The following FMO4 variants were observed in gnomAD, a reference collection of about 807,000 sequenced individuals.
FMO4 encodes the protein flavin containing dimethylaniline monoxygenase 4.
FMO4 carries 38 observed loss-of-function variants against 43.3 expected under a neutral mutation model. The observed-to-expected ratio is 0.88, with a 90% CI of 0.68 to 1.15. The LOEUF (loss-of-function observed/expected upper bound fraction) is 1.15, where lower values mean the gene tolerates loss of function less well. FMO4 is among the 50% of genes most tolerant of loss of function. FMO4 has a pLI of 0.00. For missense variants in FMO4, 631 were observed against 663.3 expected (o/e 0.95, Z 0.54); for synonymous variants, 224 against 232.2 (o/e 0.96, Z 0.32).
chr1:171,340,659 T>C (rs1244356865), intron 9 of FMO4, among the ~76,000 whole-genome samples: 1 of 152,134 alleles, frequency 6.6e-6, no homozygotes, highest in Admixed American at 6.5e-5. Context: ...TTCTTGATCT[T>C]AAAGATCATG....
rs777699522 is a variant in FMO4, at chr1:171,334,767, C to T, written c.1180+4C>T. The T allele has an allele frequency of 6.7e-7, 1 of 1,496,712 alleles. No individual in the cohort carries two copies. 92.7% of individuals were successfully genotyped at this position (1,496,712 alleles called of 1,614,324 possible). A position where few individuals can be genotyped will look rare whatever the true frequency, so the allele number is the denominator to read the frequency against. ...TGGGTCACAAGAGTATTCAAAGGTA[C>T]CATGACTCTACTGAAAGTCCTCTCT... is the stretch of plus-strand genomic sequence containing the variant. On this transcript the variant is annotated splice_donor_region_variant and intron_variant, in intron 8 of 9. Transcript: ENST00000367749.
At chr1:171,325,426 A>T (rs1031665963) in intron 5 of FMO4, among the ~76,000 whole-genome samples, 2 of 152,250 alleles carry the variant, frequency 1.3e-5, no homozygotes, top group Admixed American at 6.5e-5. Context: ...AGTATCTTCA[A>T]GGAATTAAAA....
At chr1:171,317,809 G>A (rs1263127343) in intron 2 of FMO4, among the ~76,000 whole-genome samples, 1 of 152,056 alleles carries the variant, frequency 6.6e-6, no homozygotes. Flanking sequence ...CTTGTTTTAT[G>A]GCAAGGCATG....
chr1:171,329,796 A>T (rs191424448), intron 5 of FMO4, among the ~76,000 whole-genome samples: 73 of 152,264 alleles, frequency 4.8e-4, no homozygotes, highest in African/African-American at 1.8e-3. Context: ...GAATCACAAA[A>T]CTGGCCTCAC....
In FMO4 at chr1:171,324,794, A is replaced by G. The variant is rs529512886; in HGVS notation, c.484+494A>G. On this transcript the variant is annotated intron_variant, in intron 5 of 9. Coordinates refer to ENST00000367749, the MANE Select transcript of FMO4 (RefSeq NM_002022.3). ...ACTTTAAAAGGGAAAAAAAAGCAATATAGTCACCCTTCAAAACAGTCAACA... is the reference window on the plus strand; with the variant it reads ...ACTTTAAAAGGGAAAAAAAAGCAATGTAGTCACCCTTCAAAACAGTCAACA... 2.0e-5 allele frequency among the ~76,000 whole-genome samples: 3 copies of G among 152,306 alleles called. 1 individual carries two copies. Among genetic ancestry groups the G allele is most frequent in the African/African-American group, 7.2e-5 (3 of 41,570 alleles).
Position 171,341,859 on chromosome 1 carries a change from T to A in FMO4, c.*20T>A, listed in dbSNP as rs763152141. On this transcript the variant is annotated 3_prime_UTR_variant, in exon 10 of 10. Transcript: ENST00000367749. Reference sequence around the variant, plus strand: ...GGATGAACCTGATTGTTACAAGGGTTACACAAAGTCATGCTAATTCTATCT... The same window carrying A: ...GGATGAACCTGATTGTTACAAGGGTAACACAAAGTCATGCTAATTCTATCT... The A allele has an allele frequency of 1.3e-6, 2 of 1,583,810 alleles. No individual in the cohort carries two copies. Among genetic ancestry groups the A allele is most frequent in the South Asian group, 2.3e-5 (2 of 88,008 alleles).
chr1:171,332,943 A>G, intron 7 of FMO4, 35 bp downstream of exon 7: 1 of 934,902 alleles, frequency 1.1e-6, no homozygotes, highest in Non-Finnish European at 1.7e-6. Context: ...AAAAAATATT[A>G]AATCAATATT....
chr1:171,339,318 A>G (rs988805894), intron 9 of FMO4, among the ~76,000 whole-genome samples: 1 of 152,196 alleles, frequency 6.6e-6, no homozygotes, highest in Non-Finnish European at 1.5e-5. Context: ...TTAAGAACCT[A>G]CAACTATTTA....
chr1:171,316,595 G>C (rs1210127896), intron 2 of FMO4, among the ~76,000 whole-genome samples: 2 of 152,130 alleles, frequency 1.3e-5, no homozygotes, highest in African/African-American at 4.8e-5. Flanking sequence ...ATGGCTAGTT[G>C]GTAGCAGAGA....
At chr1:171,331,242 T>A (rs1662888758) in intron 5 of FMO4, among the ~76,000 whole-genome samples, 1 of 152,198 alleles carries the variant, frequency 6.6e-6, no homozygotes, top group South Asian at 2.1e-4. Context: ...TAGATACAAG[T>A]GTAATGGTCC....
At chr1:171,337,296 G>C (rs1663160491) in intron 8 of FMO4, 60 bp from the exon 9 acceptor site, 3 of 1,135,470 alleles carry the variant, frequency 2.6e-6, no homozygotes, top group Non-Finnish European at 4.0e-6. Flanking sequence ...AGTGGGTGGA[G>C]AATTTAAATA....
chr1:171,330,101 G>A (rs1323996286), intron 5 of FMO4, among the ~76,000 whole-genome samples: 1 of 152,210 alleles, frequency 6.6e-6, no homozygotes, highest in East Asian at 1.9e-4. Flanking sequence ...ATGTTACCAA[G>A]TGAATGAATG....
chr1:171,336,555 CAT>C (rs781345666), intron 8 of FMO4, among the ~76,000 whole-genome samples: 1 of 152,136 alleles, frequency 6.6e-6, no homozygotes, highest in African/African-American at 2.4e-5. Flanking sequence ...CCCTTCCACA[CAT>C]GAGGCTCCTT....
rs1397913954 is a variant in FMO4, at chr1:171,341,723, C to T, written c.1561C>T (p.Pro521Ser). 2 of 1,613,828 alleles carry T rather than the reference C, an allele frequency of 1.2e-6. No individual in the cohort carries two copies. Among genetic ancestry groups the T allele is most frequent in the Non-Finnish European group, 1.7e-6 (2 of 1,179,906 alleles). Reference sequence around the variant, plus strand: ...ACATTATTTAAAAGCCTGGGGGGCACCTGTCCTACTTGCCTCTCTTCTACT... The same window carrying T: ...ACATTATTTAAAAGCCTGGGGGGCATCTGTCCTACTTGCCTCTCTTCTACT... The part of the protein sequence containing the change: ...MSHYLKAWGA[P>S]VLLASLLLIC... Residue 521 changes from proline (P) to serine (S), a missense_variant, in exon 10 of 10, where the codon CCT (proline) becomes TCT (serine). Physicochemically the swap from Pro to Ser is moderately conservative, Grantham distance 74 (BLOSUM62 -1). Transcript: ENST00000367749.
At chr1:171,315,639 A>T (rs975464078) in intron 1 of FMO4, among the ~76,000 whole-genome samples, 7 of 152,126 alleles carry the variant, frequency 4.6e-5, no homozygotes, top group African/African-American at 1.7e-4. Flanking sequence ...TTTCCAGTTC[A>T]CTCACTACCT....
chr1:171,339,717 A>G (rs1386343304), intron 9 of FMO4, among the ~76,000 whole-genome samples: 1 of 152,200 alleles, frequency 6.6e-6, no homozygotes, highest in African/African-American at 2.4e-5. Context: ...AGAAGGTAGT[A>G]GAGTCAAAGA....
rs770882505 is a variant in FMO4, at chr1:171,332,709, G to T, written c.628G>T (p.Val210Leu). Residue 210 changes from valine (V) to leucine (L), a missense_variant and splice_region_variant, in exon 7 of 10, where the codon GTA becomes TTA. Physicochemically the swap from Val to Leu is conservative, Grantham distance 32. Coordinates refer to ENST00000367749, the MANE Select transcript of FMO4 (RefSeq NM_002022.3). ...AVELSRTAAQ[V>L]LLSTRTGTWV... ...CTTCTTGCCTTACTTTACTTTTTAG[G>T]TACTTCTCAGTACTAGAACTGGTAC... The T allele has an allele frequency of 5.7e-5, 92 of 1,604,750 alleles. No homozygotes were observed. The highest frequency in any genetic ancestry group is 7.4e-5 in the Non-Finnish European group (87 of 1,173,492).
chr1:171,326,184 G>A (rs981072799), intron 5 of FMO4, among the ~76,000 whole-genome samples: 3 of 151,736 alleles, frequency 2.0e-5, no homozygotes, highest in South Asian at 2.1e-4. Flanking sequence ...TATCTTTCAC[G>A]AATAGCTGTA....
At chr1:171,315,442 T>C (rs562846512) in intron 1 of FMO4, among the ~76,000 whole-genome samples, 43 of 152,266 alleles carry the variant, frequency 2.8e-4, no homozygotes, top group African/African-American at 9.4e-4. Flanking sequence ...CTTTTTTTTT[T>C]TGTGCACCAA....
Sources: gnomAD v4.1 joint callset for allele counts (sites outside exome capture counted in the v4.1 genomes callset) on GRCh38, gnomAD v4.1.1 for gene constraint, MANE v1.5 for transcripts, NCBI Gene and HGNC (gene_info 2026-07-23, HGNC 2026-07-21) for gene names.